NKAIN3: variants seen among roughly 807,000 people sequenced by gnomAD.
NKAIN3 encodes the protein sodium/potassium transporting ATPase interacting 3.
NKAIN3 carries 25 observed loss-of-function variants against 30.2 expected under a neutral mutation model. The observed-to-expected ratio is 0.83, with a 90% CI of 0.60 to 1.16. The LOEUF is 1.16. Ranked by LOEUF, NKAIN3 falls within the 50% of genes most tolerant of loss-of-function variation. NKAIN3 has a pLI of 0.00. For synonymous variants in NKAIN3, 91 were observed against 89.6 expected (o/e 1.02, Z -0.09); for missense variants, 225 against 254.1 (o/e 0.89, Z 0.78).
chr8:62,607,690 T>C (rs891232949), intron 3 of NKAIN3, among the ~76,000 whole-genome samples: 2 of 152,126 alleles, frequency 1.3e-5, no homozygotes, highest in Non-Finnish European at 2.9e-5. Context: ...TCATTTTTTT[T>C]CACATTTGAA....
chr8:62,988,633 T>A (rs1055075931), downstream of NKAIN3, among the ~76,000 whole-genome samples: 1 of 152,232 alleles, frequency 6.6e-6, no homozygotes, highest in African/African-American at 2.4e-5. Flanking sequence ...CCCTTGGATG[T>A]ACACAGCAGG....
In NKAIN3 at chr8:62,883,309, A is replaced by G. The variant is rs553844094; in HGVS notation, c.472-35144A>G. ...GATTTATACCTAAGTATTTCATTTT[A>G]TGGGGTTCTAATGTAAATGGTATTG... On this transcript the variant is annotated intron_variant, in intron 4 of 6. Coordinates refer to ENST00000623646, the MANE Select transcript of NKAIN3 (RefSeq NM_001304533.3). Among the ~76,000 whole-genome samples the G allele has an allele frequency of 4.6e-5, 7 of 152,038 alleles. No homozygotes were observed. In the East Asian group the frequency reaches 1.4e-3, roughly 29 times the overall value.
At chr8:62,428,828 T>G (rs1804900616) in intron 1 of NKAIN3, among the ~76,000 whole-genome samples, 1 of 151,916 alleles carries the variant, frequency 6.6e-6, no homozygotes, top group African/African-American at 2.4e-5. Context: ...GCTTTTTAGC[T>G]TGATGAAATC....
intron 1 of NKAIN3, among the ~76,000 whole-genome samples, chr8:62,407,656 C>G (rs1483895498): frequency 6.6e-6 from 1 of 152,142 alleles, no homozygotes; most frequent in African/African-American, 2.4e-5. Context: ...TGGTCTCGAT[C>G]TCTTGATCTC....
At chr8:62,249,171 C>T in intron 1 of NKAIN3, 44 bp downstream of exon 1, 2 of 1,466,728 alleles carry the variant, frequency 1.4e-6, no homozygotes, top group South Asian at 1.3e-5. Flanking sequence ...GTCCCTGCTC[C>T]AGGACCGGCC....
chr8:62,306,536 T>TTGTG (rs10552182), intron 1 of NKAIN3, among the ~76,000 whole-genome samples: 2,574 of 136,032 alleles, frequency 0.019, 45 homozygotes, highest in Middle Eastern at 0.056. Context: ...TTTGAAGGCT[T>TTGTG]TGTGTGTGTG....
At chr8:62,867,297 C>G (rs1586287898) in intron 4 of NKAIN3, among the ~76,000 whole-genome samples, 1 of 152,104 alleles carries the variant, frequency 6.6e-6, no homozygotes, top group East Asian at 1.9e-4. Context: ...GTCTCAATTT[C>G]TTCTTTACGA....
intron 1 of NKAIN3, among the ~76,000 whole-genome samples, chr8:62,263,445 A>C (rs2129390299): frequency 6.6e-6 from 1 of 152,258 alleles, no homozygotes; most frequent in South Asian, 2.1e-4. Flanking sequence ...AACAGTGGAG[A>C]ACTGTTATCC....
At chr8:62,352,733 C>T (rs1394255052) in intron 1 of NKAIN3, among the ~76,000 whole-genome samples, 2 of 152,142 alleles carry the variant, frequency 1.3e-5, no homozygotes, top group South Asian at 2.1e-4. Flanking sequence ...ACCATGAGGA[C>T]ACTGTACATC....
intron 4 of NKAIN3, among the ~76,000 whole-genome samples, chr8:62,752,153 A>G (rs1478599284): frequency 1.3e-5 from 2 of 152,334 alleles, no homozygotes; most frequent in East Asian, 3.9e-4. Flanking sequence ...ATGCATGGAC[A>G]AGATGTAGGA....
At chr8:62,402,765 C>T (rs368706238) in intron 1 of NKAIN3, among the ~76,000 whole-genome samples, 6 of 152,090 alleles carry the variant, frequency 3.9e-5, no homozygotes, top group African/African-American at 1.2e-4. Flanking sequence ...TCCTTATAGC[C>T]GCGTGGGAAC....
In NKAIN3 at chr8:62,975,326, T is replaced by A. The variant is rs1249807655; in HGVS notation, c.*9919T>A. On this transcript the variant is annotated 3_prime_UTR_variant, in exon 7 of 7. Coordinates refer to ENST00000623646, the MANE Select transcript of NKAIN3 (RefSeq NM_001304533.3). ...TTTTAGTTGGTCAGCTATTAATTACTGCCTCAATTTCAGAACTTGTTATTG... is the reference window on the plus strand; with the variant it reads ...TTTTAGTTGGTCAGCTATTAATTACAGCCTCAATTTCAGAACTTGTTATTG... Among the ~76,000 whole-genome samples, 1 of 152,178 alleles carries A rather than the reference T, an allele frequency of 6.6e-6. No homozygotes were observed. The highest frequency in any genetic ancestry group is 1.5e-5 in the Non-Finnish European group (1 of 68,018).
At chr8:62,869,196 C>T (rs988853427) in intron 4 of NKAIN3, among the ~76,000 whole-genome samples, 15 of 152,132 alleles carry the variant, frequency 9.9e-5, no homozygotes, top group African/African-American at 3.6e-4. Context: ...GCTCAACGTG[C>T]AGGTTTGTTA....
At chr8:62,942,494 A>G (rs565868614) in intron 5 of NKAIN3, among the ~76,000 whole-genome samples, 2 of 150,898 alleles carry the variant, frequency 1.3e-5, no homozygotes, top group East Asian at 3.9e-4. Context: ...TCACAATACC[A>G]TCATCATTCT....
intron 3 of NKAIN3, among the ~76,000 whole-genome samples, chr8:62,708,832 C>T (rs60636994): frequency 0.027 from 4,163 of 152,218 alleles, 200 homozygotes; most frequent in African/African-American, 0.095. Flanking sequence ...AACTTTTTCC[C>T]ATTCAGTATT....
At position 62,970,001 on chromosome 8, in the gene NKAIN3, C is replaced by T. The variant is rs902988233; in HGVS notation, c.*4594C>T. ...CTTGAGGCCAGGAGTTCAAGACCAG[C>T]TTGGGCAAAATAGTGAGACCGTATC... On this transcript the variant is annotated 3_prime_UTR_variant, in exon 7 of 7. Transcript: ENST00000623646. 2.6e-5 allele frequency among the ~76,000 whole-genome samples: 4 copies of T among 152,046 alleles called. No individual in the cohort carries two copies. The highest frequency in any genetic ancestry group is 9.7e-5 in the African/African-American group (4 of 41,404).
chr8:62,417,976 A>G (rs1203059992), intron 1 of NKAIN3, among the ~76,000 whole-genome samples: 2 of 152,192 alleles, frequency 1.3e-5, no homozygotes, highest in African/African-American at 4.8e-5. Context: ...TGAGAAACCA[A>G]TGAGATCAAA....
intron 1 of NKAIN3, among the ~76,000 whole-genome samples, chr8:62,535,828 A>C (rs2129864274): frequency 6.6e-6 from 1 of 152,202 alleles, no homozygotes; most frequent in Admixed American, 6.5e-5. Flanking sequence ...GGGATCCTCT[A>C]ATGAGAGAGT....
At position 62,642,099 on chromosome 8, in the gene NKAIN3, T is replaced by A. The variant is rs141672691; in HGVS notation, c.273+52305T>A. Reference sequence around the variant, plus strand: ...TTTTTAAAAAAATAAAGATAATACATGTTTTTTATTTAAAGTTTAGAAGTT... The same window carrying A: ...TTTTTAAAAAAATAAAGATAATACAAGTTTTTTATTTAAAGTTTAGAAGTT... On this transcript the variant is annotated intron_variant, in intron 3 of 6. Coordinates refer to ENST00000623646, the MANE Select transcript of NKAIN3 (RefSeq NM_001304533.3). 5.3e-3 allele frequency among the ~76,000 whole-genome samples: 812 copies of A among 152,198 alleles called. 4 individuals carry two copies. Among genetic ancestry groups the A allele is most frequent in the Admixed American group, 0.011 (162 of 15,272 alleles).
Sources: gnomAD v4.1 joint callset for allele counts (sites outside exome capture counted in the v4.1 genomes callset) on GRCh38, gnomAD v4.1.1 for gene constraint, MANE v1.5 for transcripts, NCBI Gene and HGNC (gene_info 2026-07-23, HGNC 2026-07-21) for gene names.